Variants in ZNF596 observed in about 807,000 individuals in gnomAD.
ZNF596 encodes the protein zinc finger protein 596.
A neutral mutation model predicts 48.3 loss-of-function variants in ZNF596; 45 were observed. The observed-to-expected ratio is 0.93, with a 90% CI of 0.73 to 1.19. The LOEUF is 1.19. Ranked by LOEUF, ZNF596 falls within the 50% of genes most tolerant of loss-of-function variation. The probability of loss-of-function intolerance (pLI) is 0.00; values close to 1 mark genes in which losing one functional copy is unlikely to be tolerated. For synonymous variants in ZNF596, 270 were observed against 202.0 expected, an observed-to-expected ratio of 1.34 and a Z score of -2.85; for missense variants, 848 against 599.7, an observed-to-expected ratio of 1.41 and a Z score of -4.32.
chr8:242,799 A>T (rs759830650), intron 2 of ZNF596, 88 bp from the exon 3 acceptor site: 2 of 1,272,618 alleles, frequency 1.6e-6, no homozygotes, highest in Non-Finnish European at 2.0e-6. Context: ...TACCACCCAC[A>T]CTTCCTTAGT....
At chr8:239,225 G>C (rs1466902699) in intron 1 of ZNF596, among the ~76,000 whole-genome samples, 2 of 152,212 alleles carry the variant, frequency 1.3e-5, no homozygotes, top group Non-Finnish European at 2.9e-5. Context: ...GTCTTACTCT[G>C]TCACCCAGGC....
At chr8:236,321 T>A (rs1796611166) in intron 1 of ZNF596, among the ~76,000 whole-genome samples, 1 of 152,186 alleles carries the variant, frequency 6.6e-6, no homozygotes, top group South Asian at 2.1e-4. Context: ...ATAATTAGAA[T>A]TGATTCCACT....
At chr8:233,056 C>A (rs1796479378) in intron 1 of ZNF596, 1 of 467,976 alleles carries the variant, frequency 2.1e-6, no homozygotes, top group Non-Finnish European at 4.4e-6. Flanking sequence ...CGAGGTGGGG[C>A]AGGAGAGTGA....
chr8:242,599 T>A (rs1178941285), intron 2 of ZNF596, among the ~76,000 whole-genome samples: 1 of 152,242 alleles, frequency 6.6e-6, no homozygotes, highest in Non-Finnish European at 1.5e-5. Context: ...AGTACAGATT[T>A]CATAATTAGT....
chr8:243,603 T>C, intron 3 of ZNF596, 119 bp from the exon 4 acceptor site: 2 of 876,804 alleles, frequency 2.3e-6, no homozygotes, highest in South Asian at 3.1e-5. Flanking sequence ...CAAGGTACTC[T>C]TCCCAGGCTG....
chr8:233,494 G>C (rs1305977806), intron 1 of ZNF596: 2 of 229,666 alleles, frequency 8.7e-6, no homozygotes, highest in African/African-American at 4.7e-5. Context: ...ATTTGAGTTA[G>C]TTTAGTATTC....
Position 245,333 on chromosome 8 carries a change from C to G in ZNF596, c.486C>G (p.Thr162=), listed in dbSNP as rs1442428285. 1 of 1,614,076 alleles carries G rather than the reference C, an allele frequency of 6.2e-7. No homozygotes were observed. Among genetic ancestry groups the G allele is most frequent in the Admixed American group, 1.7e-5 (1 of 60,016 alleles). The change falls in exon 6 of 6, where the codon ACC becomes ACG. Residue 162 remains threonine, a synonymous_variant. Coordinates refer to ENST00000398612, the MANE Select transcript of ZNF596 (RefSeq NM_001042416.3). Reference sequence around the variant, plus strand: ...TTAATCAACACAAGGAAATTCACACCAAATGTAAATCATATGGAAGTCATC... The same window carrying G: ...TTAATCAACACAAGGAAATTCACACGAAATGTAAATCATATGGAAGTCATC... ...LSFNQHKEIH[T]KCKSYGSHLF...
rs1230354384 is a variant in ZNF596, at chr8:246,434, T to G, written c.*72T>G. The G allele has an allele frequency of 2.7e-6, 4 of 1,504,638 alleles. No homozygotes were observed. Among genetic ancestry groups the G allele is most frequent in the Non-Finnish European group, 3.5e-6 (4 of 1,131,356 alleles). 93.2% of individuals were successfully genotyped at this position (1,504,638 alleles called of 1,614,324 possible). On this transcript the variant is annotated 3_prime_UTR_variant, in exon 6 of 6. Coordinates refer to ENST00000398612, the MANE Select transcript of ZNF596 (RefSeq NM_001042416.3). ...TACTACAGGAATATTATGTCTGTAA[T>G]CAGTGTGGAAAAGCCTTTATTTATA...
chr8:242,790 A>G, intron 2 of ZNF596, 97 bp from the exon 3 acceptor site: 1 of 1,210,976 alleles, frequency 8.3e-7, no homozygotes, highest in African/African-American at 1.5e-5. Context: ...TTCTGTTCAT[A>G]CCACCCACAC....
At chr8:242,812 A>C (rs1796908039) in intron 2 of ZNF596, 75 bp from the exon 3 acceptor site, 2 of 1,351,610 alleles carry the variant, frequency 1.5e-6, no homozygotes, top group Non-Finnish European at 1.9e-6. Flanking sequence ...TCCTTAGTAC[A>C]GTCACTTTGA....
intron 4 of ZNF596, chr8:244,330 G>T (rs778559412): frequency 2.9e-6 from 1 of 348,462 alleles, no homozygotes; most frequent in Non-Finnish European, 5.1e-6. Flanking sequence ...CTTTTGTAAA[G>T]GGGATATTTG....
chr8:237,699 T>C (rs1796675796), intron 1 of ZNF596: 1 of 152,254 alleles, frequency 6.6e-6, no homozygotes. Context: ...TTTGGATGTT[T>C]CTAGTTATGT....
rs780881729 is a variant in ZNF596, at chr8:243,820, G to A, written c.223+15G>A. The A allele has an allele frequency of 6.2e-6, 10 of 1,608,744 alleles. No individual in the cohort carries two copies. The East Asian group carries it at 2.0e-4, about 32-fold the overall frequency. On this transcript the variant is annotated intron_variant, in intron 4 of 5. Coordinates refer to ENST00000398612, the MANE Select transcript of ZNF596 (RefSeq NM_001042416.3). ...CTTACTGCAAGGTGAGCTCTAAGAA[G>A]CAGTGCTTCAATAGGAGGAGGAGAA...
At chr8:236,356 C>T (rs1584901555) in intron 1 of ZNF596, among the ~76,000 whole-genome samples, 1 of 152,176 alleles carries the variant, frequency 6.6e-6, no homozygotes, top group East Asian at 1.9e-4. Flanking sequence ...GTCACGTCAT[C>T]TGAGAATAAC....
upstream of ZNF596, chr8:232,204 C>T (rs1469984540): frequency 6.4e-6 from 1 of 155,078 alleles, no homozygotes; most frequent in East Asian, 1.9e-4. Context: ...GACGCAGACA[C>T]GCGCTTTCAA....
Position 246,639 on chromosome 8 carries a change from C to CA in ZNF596, c.*278dup, listed in dbSNP as rs544315330. 284 of 306,326 alleles carry CA rather than the reference C, an allele frequency of 9.3e-4. 1 individual carries two copies. The highest frequency in any genetic ancestry group is 5.9e-3 in the African/African-American group (271 of 46,226). The allele number at this position is 306,326 out of a possible 1,614,324, so 19.0% of individuals were successfully genotyped here. A position where few individuals can be genotyped will look rare whatever the true frequency, so the allele number is the denominator to read the frequency against. ...GCTCTGTTAAATAAATGGGAGAAAT[C>CA]ACATCACGAAAATTCTGTGCCTGTC... On this transcript the variant is annotated 3_prime_UTR_variant, in exon 6 of 6. Transcript: ENST00000398612.
At chr8:237,312 T>C (rs970700745) in intron 1 of ZNF596, 1 of 152,150 alleles carries the variant, frequency 6.6e-6, no homozygotes. Flanking sequence ...TTTTATTATT[T>C]ATTAAATTGT....
intron 2 of ZNF596, among the ~76,000 whole-genome samples, chr8:241,821 G>C (rs924459250): frequency 5.9e-5 from 9 of 152,158 alleles, no homozygotes; most frequent in African/African-American, 2.2e-4. Context: ...AGTTCTGCAG[G>C]CTTAACAGGA....
chr8:245,361 T>A lies in ZNF596; in HGVS notation c.514T>A (p.Phe172Ile). 6.2e-7 allele frequency: 1 copy of A among 1,614,130 alleles called. No homozygotes were observed. The highest frequency in any genetic ancestry group is 1.3e-5 in the African/African-American group (1 of 75,078). ...ATGTAAATCATATGGAAGTCATCTA[T>A]TTGATTATGCCTTTATCCAAAACTC... ...TKCKSYGSHLFDYAFIQNSAL... is the reference protein window; with the variant it reads ...TKCKSYGSHLIDYAFIQNSAL... The change falls in exon 6 of 6, where the codon TTT (phenylalanine) becomes ATT (isoleucine). Residue 172 changes from phenylalanine to isoleucine, a missense_variant. Phe to Ile is a conservative substitution (Grantham distance 21, BLOSUM62 0). Transcript: ENST00000398612.
Sources: gnomAD v4.1 joint callset for allele counts (sites outside exome capture counted in the v4.1 genomes callset) on GRCh38, gnomAD v4.1.1 for gene constraint, MANE v1.5 for transcripts, NCBI Gene and HGNC (gene_info 2026-07-23, HGNC 2026-07-21) for gene names.